Variants in UNC13D observed in about 807,000 individuals in gnomAD.
UNC13D encodes the protein unc-13 homolog D.
UNC13D carries 115 observed loss-of-function variants against 151.7 expected under a neutral mutation model. That is an observed-to-expected ratio of 0.76 (90% CI 0.65 to 0.88). UNC13D has a LOEUF of 0.88. UNC13D is among the 40% of genes least tolerant of loss of function. UNC13D has a pLI of 0.00. For missense variants in UNC13D, 1,369 were observed against 1,438.7 expected (o/e 0.95, Z 0.78); for synonymous variants, 588 against 612.2 (o/e 0.96, Z 0.58).
At chr17:75,828,751 C>G in intron 31 of UNC13D, 36 bp downstream of exon 31, 1 of 1,493,700 alleles carries the variant, frequency 6.7e-7, no homozygotes, top group South Asian at 1.3e-5. Context: ...TACAGGCTCC[C>G]GTCCCCGCAC....
intron 1 of UNC13D, 164 bp from the exon 2 acceptor site, chr17:75,843,683 C>T (rs1398818086): frequency 3.3e-5 from 48 of 1,471,372 alleles, no homozygotes; most frequent in Admixed American, 6.7e-5. Context: ...AGCAGGCCTC[C>T]TGGAGGTCCG....
chr17:75,827,554 T>C lies in UNC13D; in HGVS notation c.*411A>G. ...CCTCTCCCTTTTCCAGGAGACTCTGTGCCTGTAGCCCTGGTCCCAGTGAAC... is the reference window on the plus strand; with the variant it reads ...CCTCTCCCTTTTCCAGGAGACTCTGCGCCTGTAGCCCTGGTCCCAGTGAAC... On this transcript the variant is annotated 3_prime_UTR_variant, in exon 32 of 32. Transcript: ENST00000207549. 4.6e-6 allele frequency: 7 copies of C among 1,534,792 alleles called. No homozygotes were observed. Among genetic ancestry groups the C allele is most frequent in the Non-Finnish European group, 4.4e-6 (5 of 1,146,298 alleles).
At chr17:75,843,443 G>T in intron 2 of UNC13D, 41 bp downstream of exon 2, 1 of 1,586,588 alleles carries the variant, frequency 6.3e-7, no homozygotes, top group Non-Finnish European at 8.6e-7. Context: ...ACACACAGCC[G>T]CCCTCCCCAC....
Position 75,828,093 on chromosome 17 carries a change from A to G in UNC13D, c.3152-7T>C. On this transcript the variant is annotated splice_polypyrimidine_tract_variant and splice_region_variant and intron_variant, in intron 31 of 31. Coordinates refer to ENST00000207549, the MANE Select transcript of UNC13D (RefSeq NM_199242.3). ...AGCTGCAGGATTGGGTCCCCTGCGG[A>G]GAGAGGGGTTTGGGGGTCAGATGCC... 6.4e-7 allele frequency: 1 copy of G among 1,571,590 alleles called. No individual in the cohort carries two copies.
At position 75,827,830 on chromosome 17, in the gene UNC13D, G is replaced by C. The variant is rs1424419231; in HGVS notation, c.*135C>G. Reference sequence around the variant, plus strand: ...GAGGCAGGGGAGGTCTGCACTCTGGGCACTCCGCATGCTGGGGCTCCCCAA... The same window carrying C: ...GAGGCAGGGGAGGTCTGCACTCTGGCCACTCCGCATGCTGGGGCTCCCCAA... On this transcript the variant is annotated 3_prime_UTR_variant, in exon 32 of 32. Transcript: ENST00000207549. 5 of 1,504,180 alleles carry C rather than the reference G, an allele frequency of 3.3e-6. No homozygotes were observed. Among genetic ancestry groups the C allele is most frequent in the Non-Finnish European group, 3.5e-6 (4 of 1,126,924 alleles). 93.2% of individuals were successfully genotyped at this position (1,504,180 alleles called of 1,614,324 possible). A position where few individuals can be genotyped will look rare whatever the true frequency, so the allele number is the denominator to read the frequency against.
rs2064942107 is a variant in UNC13D at position 75,840,750 on chromosome 17, T to G, written c.683+12A>C. On this transcript the variant is annotated intron_variant, in intron 8 of 31. Coordinates refer to ENST00000207549, the MANE Select transcript of UNC13D (RefSeq NM_199242.3). This position sits in a 1 kb window ranked among gnomAD's most constrained non-coding sequence, Gnocchi z 4.6. ...GCCCCAACCCCTTCCCTGTGAGCCC[T>G]GCAACACGAACCTGCGAAGCCCATG... The G allele has an allele frequency of 1.9e-6, 3 of 1,613,888 alleles. No individual in the cohort carries two copies. Among genetic ancestry groups the G allele is most frequent in the South Asian group, 1.1e-5 (1 of 91,078 alleles).
Position 75,827,358 on chromosome 17 carries a change from G to C in UNC13D, c.*607C>G. On this transcript the variant is annotated 3_prime_UTR_variant, in exon 32 of 32. Transcript: ENST00000207549. ...CTGTCCTTTCTGCTTCCGTCTGTCTGTGCCAGCCCTGCCGCCTGCCAGCTC... is the reference window on the plus strand; with the variant it reads ...CTGTCCTTTCTGCTTCCGTCTGTCTCTGCCAGCCCTGCCGCCTGCCAGCTC... 5 of 1,232,388 alleles carry C rather than the reference G, an allele frequency of 4.1e-6. No homozygotes were observed. The highest frequency in any genetic ancestry group is 5.4e-6 in the Non-Finnish European group (5 of 931,522). 76.3% of individuals were successfully genotyped at this position (1,232,388 alleles called of 1,614,324 possible).
At chr17:75,842,155 C>G (rs1167259998) in intron 6 of UNC13D, among the ~76,000 whole-genome samples, 1 of 152,226 alleles carries the variant, frequency 6.6e-6, no homozygotes, top group African/African-American at 2.4e-5. Flanking sequence ...CTGCACCCAT[C>G]CCTGCCTCCT....
chr17:75,835,201 A>T (rs998483247), intron 20 of UNC13D, 138 bp from the exon 21 acceptor site: 18 of 1,468,590 alleles, frequency 1.2e-5, no homozygotes, highest in Non-Finnish European at 1.7e-5. Flanking sequence ...CTCCGCCCAG[A>T]CCCCCAGGCT....
At chr17:75,843,630 A>C (rs779693865) in intron 1 of UNC13D, 111 bp from the exon 2 acceptor site, 1 of 1,532,118 alleles carries the variant, frequency 6.5e-7, no homozygotes. Context: ...GGGCCCCAGC[A>C]CCCCGGCCTC....
intron 21 of UNC13D, 40 bp downstream of exon 21, chr17:75,834,880 T>C (rs770162092): frequency 2.5e-6 from 4 of 1,613,078 alleles, no homozygotes; most frequent in Non-Finnish European, 3.4e-6. Flanking sequence ...AGTGTGGCTG[T>C]TCTAGAAAGA....
rs896976273 is a variant in UNC13D at position 75,833,188 on chromosome 17, C to T, written c.2368-143G>A. 2.7e-6 allele frequency: 2 copies of T among 736,196 alleles called. No individual in the cohort carries two copies. The highest frequency in any genetic ancestry group is 4.6e-6 in the Non-Finnish European group (2 of 432,850). 45.6% of individuals were successfully genotyped at this position (736,196 alleles called of 1,614,324 possible). ...GTAGTGTCTGTAAGAGGCCGGCCTG[C>T]CCACCTCTCTGCCTTCCCCTCTCCG... On this transcript the variant is annotated intron_variant, in intron 24 of 31. Coordinates refer to ENST00000207549, the MANE Select transcript of UNC13D (RefSeq NM_199242.3). The surrounding 1 kb of genome is among the most constrained non-coding windows in gnomAD (Gnocchi z 4.0).
rs373701371 is a variant in UNC13D, at chr17:75,828,044, C to T, written c.3194G>A (p.Arg1065Gln). 96 of 1,578,672 alleles carry T rather than the reference C, an allele frequency of 6.1e-5. No individual in the cohort carries two copies. Among genetic ancestry groups the T allele is most frequent in the Admixed American group, 2.4e-4 (13 of 54,788 alleles). ...LQLLEGRKGD[R>Q]EAQVFVRLRR... ...CAGCCTCACAAAGACCTGGGCTTCT[C>T]GGTCACCCTTCCGGCCCTCCAGCAG... The change falls in exon 32 of 32, where the codon CGA becomes CAA. Residue 1065 changes from arginine to glutamine, a missense_variant. Coordinates refer to ENST00000207549, the MANE Select transcript of UNC13D (RefSeq NM_199242.3).
At position 75,842,472 on chromosome 17, in the gene UNC13D, G is replaced by GT; in HGVS notation, c.529dup (p.Thr177AsnfsTer17). 6.2e-7 allele frequency: 1 copy of GT among 1,613,440 alleles called. No individual in the cohort carries two copies. Among genetic ancestry groups the GT allele is most frequent in the Non-Finnish European group, 8.5e-7 (1 of 1,179,958 alleles). On this transcript the variant is annotated frameshift_variant, in exon 6 of 32. Coordinates refer to ENST00000207549, the MANE Select transcript of UNC13D (RefSeq NM_199242.3). LOFTEE classifies it high-confidence loss of function. Reference sequence around the variant, plus strand: ...GTCCCAGACGGGGTTGAGTGTCTGGGTGATGACCTGCGTGCGGTGGGTCTC... The same window carrying GT: ...GTCCCAGACGGGGTTGAGTGTCTGGGTTGATGACCTGCGTGCGGTGGGTCTC...
rs1427967489 is a variant in UNC13D, at chr17:75,834,681, A to T, written c.2028T>A (p.Leu676=). ...TCRLALVYCS[L]IKARARELSS... is the part of the protein sequence containing the mutation. ...AGAGCTCGCGGGCCCGGGCCTTTAT[A>T]AGGCTGCAGTACACCAGGGCCAGGC... The change falls in exon 22 of 32, where the codon CTT becomes CTA. Residue 676 remains leucine (L), a synonymous_variant. Transcript: ENST00000207549. 1 of 1,613,686 alleles carries T rather than the reference A, an allele frequency of 6.2e-7. No individual in the cohort carries two copies. Among genetic ancestry groups the T allele is most frequent in the South Asian group, 1.1e-5 (1 of 91,082 alleles).
At position 75,833,002 on chromosome 17, in the gene UNC13D, T is replaced by C. The variant is rs1316684824; in HGVS notation, c.2411A>G (p.Tyr804Cys). 2 of 1,602,478 alleles carry C rather than the reference T, an allele frequency of 1.2e-6. No homozygotes were observed. Among genetic ancestry groups the C allele is most frequent in the Middle Eastern group, 1.7e-4 (1 of 6,028 alleles). The change falls in exon 25 of 32, where the codon TAC (tyrosine) becomes TGC (cysteine). Residue 804 changes from tyrosine to cysteine, a missense_variant. Tyr to Cys is a radical substitution (Grantham distance 194, BLOSUM62 -2). This residue lies in a region of UNC13D where 807 missense variants were observed against 795.5 expected (regional missense o/e 1.01). Transcript: ENST00000207549. The surrounding 1 kb of genome is among the most constrained non-coding windows in gnomAD (Gnocchi z 4.0). ...CTCCTGCACCAAGTTGGTGTTCATG[T>C]AGCAAAGCTCCACCTCCAGGAACTT... is the stretch of plus-strand genomic sequence containing the variant. ...LMKFLEVELC[Y>C]MNTNLVQENF... is the part of the protein sequence containing the mutation.
rs979516932 is a variant in UNC13D at position 75,833,133 on chromosome 17, G to A, written c.2368-88C>T. ...TCCCCTGACCTGGAGGGAGGAAACAGGGCTGGGAACCGTTCTGTGAGAGCA... is the reference window on the plus strand; with the variant it reads ...TCCCCTGACCTGGAGGGAGGAAACAAGGCTGGGAACCGTTCTGTGAGAGCA... On this transcript the variant is annotated intron_variant, in intron 24 of 31. Transcript: ENST00000207549. The surrounding 1 kb of genome is among the most constrained non-coding windows in gnomAD (Gnocchi z 4.0). The A allele has an allele frequency of 8.7e-6, 12 of 1,377,454 alleles. No homozygotes were observed. Among genetic ancestry groups the A allele is most frequent in the African/African-American group, 4.3e-5 (3 of 69,866 alleles). The allele number at this position is 1,377,454 out of a possible 1,614,324, so 85.3% of individuals were successfully genotyped here.
At chr17:75,838,705 A>G (rs2064926063) in intron 12 of UNC13D, among the ~76,000 whole-genome samples, 2 of 152,202 alleles carry the variant, frequency 1.3e-5, no homozygotes, top group African/African-American at 2.4e-5. Context: ...ACCGGGTCCA[A>G]ATTCAAATGC....
rs775230207 is a variant in UNC13D at position 75,836,803 on chromosome 17, G to A, written c.1171C>T (p.Gln391Ter). The A allele has an allele frequency of 6.2e-7, 1 of 1,613,882 alleles. No individual in the cohort carries two copies. Among genetic ancestry groups the A allele is most frequent in the Non-Finnish European group, 8.5e-7 (1 of 1,180,022 alleles). The part of the protein sequence containing the change: ...QWIQGRLKAE[Q>*]QEELAASFSS... ...GCCCCTTGCCACTGCATGCCTACCTGTTCTGCCTTGAGCCGACCCTGGATC... is the reference window on the plus strand; with the variant it reads ...GCCCCTTGCCACTGCATGCCTACCTATTCTGCCTTGAGCCGACCCTGGATC... Residue 391 changes from glutamine to a stop codon, truncating the protein, a stop_gained and splice_region_variant, in exon 13 of 32, where the codon CAG (glutamine) becomes TAG (stop). Coordinates refer to ENST00000207549, the MANE Select transcript of UNC13D (RefSeq NM_199242.3). LOFTEE classifies it high-confidence loss of function.
Sources: gnomAD v4.1 joint callset for allele counts (sites outside exome capture counted in the v4.1 genomes callset) on GRCh38, gnomAD v4.1.1 for gene constraint, gnomAD v4.1.1 regional missense constraint, Gnocchi (gnomAD v3.1) non-coding constraint, MANE v1.5 for transcripts, NCBI Gene and HGNC (gene_info 2026-07-23, HGNC 2026-07-21) for gene names.